Variants in GRM8 observed in about 807,000 individuals in gnomAD.
The protein encoded by GRM8 is metabotropic glutamate receptor 8.
Under a neutral mutation model 87.2 loss-of-function variants are expected in GRM8, and 47 were observed. That is an observed-to-expected ratio of 0.54 (90% CI 0.43 to 0.69). The LOEUF (loss-of-function observed/expected upper bound fraction) is 0.69. GRM8 is among the 30% of genes least tolerant of loss of function. The pLI is 0.00. For synonymous variants in GRM8, 396 were observed against 404.5 expected, an observed-to-expected ratio of 0.98 and a Z score of 0.25; for missense variants, 1,019 against 1,139.2, an observed-to-expected ratio of 0.89 and a Z score of 1.52.
At chr7:127,205,940 T>A (rs1389181049) in intron 2 of GRM8, among the ~76,000 whole-genome samples, 1 of 152,132 alleles carries the variant, frequency 6.6e-6, no homozygotes, top group African/African-American at 2.4e-5. Context: ...CATTATCTCT[T>A]ACAACCACAT....
Position 126,765,766 on chromosome 7 carries a change from C to A in GRM8, c.1357+4099G>T, listed in dbSNP as rs140147440. On this transcript the variant is annotated intron_variant, in intron 7 of 10. Coordinates refer to ENST00000339582, the MANE Select transcript of GRM8 (RefSeq NM_000845.3). ...ATAAAAGTAACCCTAAAAGGAAAGT[C>A]TTTGTTTCCTTCTGGCTTCCCAAGT... Among the ~76,000 whole-genome samples, 33 of 152,114 alleles carry A rather than the reference C, an allele frequency of 2.2e-4. 1 individual carries two copies. The highest frequency in any genetic ancestry group is 7.0e-4 in the African/African-American group (29 of 41,526).
In GRM8 at chr7:126,984,797, G is replaced by T. The variant is rs79519766; in HGVS notation, c.728-80114C>A. On this transcript the variant is annotated intron_variant, in intron 3 of 10. Coordinates refer to ENST00000339582, the MANE Select transcript of GRM8 (RefSeq NM_000845.3). ...TGGAATCAAGTTTCTTTTTTATGAA[G>T]TTATTGCCTTGAAAAGATAACCCTA... 4.5e-3 allele frequency among the ~76,000 whole-genome samples: 688 copies of T among 152,084 alleles called. 7 individuals carry two copies. The highest frequency in any genetic ancestry group is 0.016 in the African/African-American group (661 of 41,466).
At chr7:126,611,065 T>G (rs1217374960) in intron 7 of GRM8, among the ~76,000 whole-genome samples, 5 of 152,232 alleles carry the variant, frequency 3.3e-5, no homozygotes, top group Non-Finnish European at 4.4e-5. Context: ...GCTGTAAATA[T>G]GTACATTATT....
intron 8 of GRM8, among the ~76,000 whole-genome samples, chr7:126,589,359 C>T (rs1796462766): frequency 6.6e-6 from 1 of 152,082 alleles, no homozygotes; most frequent in African/African-American, 2.4e-5. Flanking sequence ...CGGCTGTCCC[C>T]CACTTCCCTG....
At chr7:126,661,570 G>C (rs1805179579) in intron 7 of GRM8, among the ~76,000 whole-genome samples, 1 of 152,278 alleles carries the variant, frequency 6.6e-6, no homozygotes, top group East Asian at 1.9e-4. Flanking sequence ...GGCTTCATTG[G>C]TGATCATGAG....
chr7:126,785,347 C>T (rs932747832), intron 6 of GRM8, among the ~76,000 whole-genome samples: 4 of 152,098 alleles, frequency 2.6e-5, no homozygotes, highest in Non-Finnish European at 5.9e-5. Context: ...CAATGCACAT[C>T]TTGGCTGCTG....
chr7:126,984,257 T>G (rs751468610), intron 3 of GRM8, among the ~76,000 whole-genome samples: 1 of 152,172 alleles, frequency 6.6e-6, no homozygotes. Flanking sequence ...TGGGTTCAAG[T>G]TGGCAAGGGT....
At chr7:126,753,399 TAG>T (rs1446583415) in intron 7 of GRM8, among the ~76,000 whole-genome samples, 6 of 141,412 alleles carry the variant, frequency 4.2e-5, no homozygotes, top group Admixed American at 7.1e-5. Context: ...TATATATATA[TAG>T]ATAGATAGAC....
At chr7:127,156,289 T>G (rs186437750) in intron 2 of GRM8, among the ~76,000 whole-genome samples, 145 of 152,186 alleles carry the variant, frequency 9.5e-4, no homozygotes, top group East Asian at 3.1e-3. Context: ...TTCGTAGCAG[T>G]TATGGGGTAT....
intron 2 of GRM8, among the ~76,000 whole-genome samples, chr7:127,138,872 C>A (rs1281317952): frequency 6.6e-6 from 1 of 152,070 alleles, no homozygotes; most frequent in Non-Finnish European, 1.5e-5. Context: ...GAGTCCAATG[C>A]AATTAACAAC....
chr7:127,074,633 TC>T (rs1372250408), intron 3 of GRM8, among the ~76,000 whole-genome samples: 1 of 152,176 alleles, frequency 6.6e-6, no homozygotes, highest in African/African-American at 2.4e-5. Context: ...AAAGCATCCT[TC>T]CCCATTATAC....
At chr7:126,976,723 T>C (rs1811026799) in intron 3 of GRM8, among the ~76,000 whole-genome samples, 1 of 152,154 alleles carries the variant, frequency 6.6e-6, no homozygotes, top group African/African-American at 2.4e-5. Context: ...TGACTGCACA[T>C]GTGGAATAAA....
chr7:126,848,132 A>C (rs546557134), intron 6 of GRM8, among the ~76,000 whole-genome samples: 2 of 152,284 alleles, frequency 1.3e-5, no homozygotes, highest in South Asian at 4.1e-4. Flanking sequence ...AATGAGAGAG[A>C]GGAGAAAATA....
intron 2 of GRM8, among the ~76,000 whole-genome samples, chr7:127,122,472 A>T (rs974705912): frequency 3.2e-5 from 4 of 126,486 alleles, no homozygotes; most frequent in African/African-American, 2.0e-4. Flanking sequence ...TTTCTATTTA[A>T]AAAAAAAAAT....
intron 6 of GRM8, among the ~76,000 whole-genome samples, chr7:126,804,715 G>A (rs988290385): frequency 1.3e-5 from 2 of 152,140 alleles, no homozygotes; most frequent in Non-Finnish European, 2.9e-5. Flanking sequence ...CTTTCTTTAC[G>A]GCTGATTACA....
chr7:126,672,726 T>C (rs1028492833), intron 7 of GRM8, among the ~76,000 whole-genome samples: 1 of 152,092 alleles, frequency 6.6e-6, no homozygotes, highest in Non-Finnish European at 1.5e-5. Flanking sequence ...GCCTTGGGAT[T>C]TTTGAGCTAT....
chr7:126,793,538 GTTATA>G (rs1367120666), intron 6 of GRM8, among the ~76,000 whole-genome samples: 4 of 152,156 alleles, frequency 2.6e-5, no homozygotes, highest in Non-Finnish European at 5.9e-5. Flanking sequence ...ACTGTAAAGA[GTTATA>G]TAAACCTGAT....
At chr7:126,802,052 TTAAAATTAGCAAATAAAAACTATA>T (rs1822766252) in intron 6 of GRM8, among the ~76,000 whole-genome samples, 1 of 152,212 alleles carries the variant, frequency 6.6e-6, no homozygotes, top group South Asian at 2.1e-4. Context: ...GAAGCACTTT[TTAAAATTAGCAAATAAAAACTATA>T]TATTTATGGT....
intron 7 of GRM8, among the ~76,000 whole-genome samples, chr7:126,757,003 T>C (rs951508331): frequency 4.6e-5 from 7 of 152,192 alleles, no homozygotes; most frequent in African/African-American, 1.7e-4. Flanking sequence ...TAAACCTTTA[T>C]AAATTTAAAC....
Sources: gnomAD v4.1 joint callset for allele counts (sites outside exome capture counted in the v4.1 genomes callset) on GRCh38, gnomAD v4.1.1 for gene constraint, MANE v1.5 for transcripts, NCBI Gene and HGNC (gene_info 2026-07-23, HGNC 2026-07-21) for gene names.